The following GRK2 variants were observed in gnomAD, a reference collection of about 807,000 sequenced individuals.
GRK2 encodes the protein adrenergic beta receptor kinase 1.
In GRK2, 23 loss-of-function variants were observed where a neutral mutation model predicts 97.8. The observed-to-expected ratio is 0.24, with a 90% CI of 0.17 to 0.33. The LOEUF (loss-of-function observed/expected upper bound fraction) is 0.33, where lower values mean the gene tolerates loss of function less well. Among genes scored for constraint, GRK2 ranks in the 10% least tolerant of loss-of-function variants. The pLI is 1.00. For missense variants in GRK2, 633 were observed against 956.9 expected (o/e 0.66, Z 4.47); for synonymous variants, 425 against 381.7 (o/e 1.11, Z -1.32).
chr11:67,279,169 T>TG, intron 2 of GRK2, 31 bp from the exon 3 acceptor site: 1 of 1,593,650 alleles, frequency 6.3e-7, no homozygotes, highest in Non-Finnish European at 8.6e-7. Context: ...GAGAGAGGCG[T>TG]GGCTCTGTGA....
rs1860181254 is a variant in GRK2 at position 67,282,708 on chromosome 11, C to T, written c.1161-44C>T. ...ATCCATGCTGCCTGCCTCCCTTTCCCCATTCCTGTCCTTTGACATTGGTTT... is the reference window on the plus strand; with the variant it reads ...ATCCATGCTGCCTGCCTCCCTTTCCTCATTCCTGTCCTTTGACATTGGTTT... On this transcript the variant is annotated intron_variant, in intron 13 of 20. Transcript: ENST00000308595. This position sits in a 1 kb window ranked among gnomAD's most constrained non-coding sequence, Gnocchi z 6.9. 2 of 1,605,570 alleles carry T rather than the reference C, an allele frequency of 1.2e-6. No individual in the cohort carries two copies. Among genetic ancestry groups the T allele is most frequent in the East Asian group, 2.2e-5 (1 of 44,532 alleles).
Position 67,279,208 on chromosome 11 carries a change from C to G in GRK2, c.199C>G (p.Leu67Val). The G allele has an allele frequency of 6.2e-7, 1 of 1,613,204 alleles. No homozygotes were observed. The highest frequency in any genetic ancestry group is 8.5e-7 in the Non-Finnish European group (1 of 1,179,862). Residue 67 changes from leucine to valine, a missense_variant, in exon 3 of 21, where the codon CTC becomes GTC. By Grantham distance (32) the Leu-to-Val change is conservative (BLOSUM62 1). This residue lies in a region of GRK2 where 193 missense variants were observed against 212.2 expected (regional missense o/e 0.91). Coordinates refer to ENST00000308595, the MANE Select transcript of GRK2 (RefSeq NM_001619.5). The part of the protein sequence containing the change: ...KIFSQKLGYL[L>V]FRDFCLNHLE... ...TACACTGTTGCCTTCAGGGTACCTG[C>G]TCTTCCGAGACTTCTGCCTGAACCA...
At chr11:67,277,766 C>T (rs1419795841) in intron 2 of GRK2, among the ~76,000 whole-genome samples, 1 of 152,146 alleles carries the variant, frequency 6.6e-6, no homozygotes, top group Non-Finnish European at 1.5e-5. Flanking sequence ...AAGCAACCTG[C>T]CTGGTGTTGG....
Position 67,281,490 on chromosome 11 carries a change from A to G in GRK2, c.679A>G (p.Ile227Val). 6.2e-7 allele frequency: 1 copy of G among 1,613,714 alleles called. No homozygotes were observed. Among genetic ancestry groups the G allele is most frequent in the Non-Finnish European group, 8.5e-7 (1 of 1,179,974 alleles). Residue 227 changes from isoleucine (I) to valine (V), a missense_variant, in exon 9 of 21, where the codon ATC becomes GTC. By Grantham distance (29) the Ile-to-Val change is conservative (BLOSUM62 3). Transcript: ENST00000308595. The surrounding 1 kb of genome is among the most constrained non-coding windows in gnomAD (Gnocchi z 5.7). Reference sequence around the variant, plus strand: ...CATGAAGTGCCTGGACAAAAAGCGCATCAAGATGAAGCAGGGGGAGACCCT... The same window carrying G: ...CATGAAGTGCCTGGACAAAAAGCGCGTCAAGATGAAGCAGGGGGAGACCCT... ...YAMKCLDKKR[I>V]KMKQGETLAL...
At chr11:67,266,842 C>G (rs1326521618) in intron 1 of GRK2, 30 bp downstream of exon 1, 78 of 1,140,304 alleles carry the variant, frequency 6.8e-5, no homozygotes, top group Non-Finnish European at 8.5e-5. Context: ...GGCCCCGGCC[C>G]GACCCCGCGG....
rs766786545 is a variant in GRK2 at position 67,283,907 on chromosome 11, C to T, written c.1449C>T (p.Phe483=). The T allele has an allele frequency of 3.3e-5, 54 of 1,612,748 alleles. No homozygotes were observed. The highest frequency in any genetic ancestry group is 3.3e-4 in the Middle Eastern group (2 of 6,082). The part of the protein sequence containing the change: ...PRGEVNAADA[F]DIGSFDEEDT... ...GGGAGGTGAACGCGGCCGACGCCTT[C>T]GACATTGGCTCCTTCGATGAGGAGG... The change falls in exon 17 of 21, where the codon TTC becomes TTT. Residue 483 remains phenylalanine, a synonymous_variant. Transcript: ENST00000308595.
At position 67,281,023 on chromosome 11, in the gene GRK2, GC is replaced by G; in HGVS notation, c.556-67del. 7.1e-7 allele frequency: 1 copy of G among 1,400,880 alleles called. No homozygotes were observed. The highest frequency in any genetic ancestry group is 9.9e-7 in the Non-Finnish European group (1 of 1,013,570). The allele number at this position is 1,400,880 out of a possible 1,614,324, so 86.8% of individuals were successfully genotyped here. A position where few individuals can be genotyped will look rare whatever the true frequency, so the allele number is the denominator to read the frequency against. ...CCCTGGCATGGGGCCAGCCCCTGCT[GC>G]CCAGGTGCCTCTGCCCCAGGGCTGG... On this transcript the variant is annotated intron_variant, in intron 7 of 20. Transcript: ENST00000308595. The surrounding 1 kb of genome is among the most constrained non-coding windows in gnomAD (Gnocchi z 5.7).
chr11:67,274,495 CTTTTTTTTTTTT>C (rs57767154), intron 1 of GRK2, among the ~76,000 whole-genome samples: 683 of 22,502 alleles, frequency 0.03, 18 homozygotes, highest in African/African-American at 0.076. Flanking sequence ...TGACCAGCAC[CTTTTTTTTTTTT>C]TTTTTTTTTT....
intron 2 of GRK2, 54 bp from the exon 3 acceptor site, chr11:67,279,146 T>G: frequency 6.8e-7 from 1 of 1,461,990 alleles, no homozygotes; most frequent in Non-Finnish European, 9.6e-7. Flanking sequence ...TCCACAATGA[T>G]GGGAAGGCCT....
At chr11:67,274,990 G>C (rs1859998982) in intron 1 of GRK2, among the ~76,000 whole-genome samples, 1 of 152,200 alleles carries the variant, frequency 6.6e-6, no homozygotes. Flanking sequence ...GCAGTCATAG[G>C]ATGCGAACTC....
In GRK2 at chr11:67,285,628, C is replaced by A; in HGVS notation, c.*178C>A. 1.3e-6 allele frequency: 1 copy of A among 742,686 alleles called. No homozygotes were observed. Among genetic ancestry groups the A allele is most frequent in the East Asian group, 3.0e-5 (1 of 33,886 alleles). The allele number at this position is 742,686 out of a possible 1,614,324, so 46.0% of individuals were successfully genotyped here. On this transcript the variant is annotated 3_prime_UTR_variant, in exon 21 of 21. Coordinates refer to ENST00000308595, the MANE Select transcript of GRK2 (RefSeq NM_001619.5). ...TCGGCTCCTGCTGCACCAACCCAGC[C>A]GCTGCCCGGCGCCCTCTGTCCTGAC...
chr11:67,280,411 C>T lies in GRK2; in HGVS notation c.504-321C>T, dbSNP rs1012685188. On this transcript the variant is annotated intron_variant, in intron 6 of 20. Transcript: ENST00000308595. The stretch of plus-strand genomic sequence containing the variant: ...GTCACTGGGGGTATGCAAGCAGGGA[C>T]AGGAGACGTACTTGTCAAGGATATG... The T allele has an allele frequency of 4.3e-5, 20 of 465,046 alleles. No homozygotes were observed. In the Admixed American group the frequency reaches 5.8e-4, roughly 14 times the overall value. 28.8% of individuals were successfully genotyped at this position (465,046 alleles called of 1,614,324 possible). A position where few individuals can be genotyped will look rare whatever the true frequency, so the allele number is the denominator to read the frequency against.
chr11:67,271,649 G>T (rs536711990), intron 1 of GRK2, among the ~76,000 whole-genome samples: 1 of 152,226 alleles, frequency 6.6e-6, no homozygotes, highest in Non-Finnish European at 1.5e-5. Flanking sequence ...GAGCATCCCC[G>T]CAAGGGAGCT....
chr11:67,283,298 C>A, intron 15 of GRK2, 70 bp downstream of exon 15: 2 of 1,363,790 alleles, frequency 1.5e-6, no homozygotes, highest in Non-Finnish European at 2.1e-6. Flanking sequence ...TGTCCCGTCA[C>A]CTGGAACCCC....
chr11:67,274,268 C>A (rs1260954648), intron 1 of GRK2, among the ~76,000 whole-genome samples: 1 of 151,934 alleles, frequency 6.6e-6, no homozygotes, highest in Non-Finnish European at 1.5e-5. Flanking sequence ...GCCTCGGCCT[C>A]CCAAAGTGCT....
Position 67,279,895 on chromosome 11 carries a change from T to C in GRK2, c.498T>C (p.Ile166=), listed in dbSNP as rs1297204821. Residue 166 remains isoleucine (I), a synonymous_variant, in exon 6 of 21, where the codon ATT becomes ATC. Coordinates refer to ENST00000308595, the MANE Select transcript of GRK2 (RefSeq NM_001619.5). The part of the protein sequence containing the change: ...NLRGDVFQKF[I]ESDKFTRFCQ... ...GAGGGGACGTGTTCCAGAAATTCAT[T>C]GAGAGGTGAGAGCAGGGAAGTGTGG... 6.2e-7 allele frequency: 1 copy of C among 1,613,534 alleles called. No individual in the cohort carries two copies. Among genetic ancestry groups the C allele is most frequent in the African/African-American group, 1.3e-5 (1 of 74,850 alleles).
intron 2 of GRK2, among the ~76,000 whole-genome samples, chr11:67,277,563 G>A (rs1261113203): frequency 6.6e-6 from 1 of 152,246 alleles, no homozygotes; most frequent in Non-Finnish European, 1.5e-5. Context: ...GTGGGGGTGG[G>A]GGCCCAGAGT....
intron 1 of GRK2, among the ~76,000 whole-genome samples, chr11:67,268,919 G>T (rs957060885): frequency 6.6e-6 from 1 of 152,246 alleles, no homozygotes; most frequent in African/African-American, 2.4e-5. Context: ...AACAAGGTTG[G>T]ATAGGATTCT....
rs1245858346 is a variant in GRK2 at position 67,281,414 on chromosome 11, C to A, written c.648-45C>A. The A allele has an allele frequency of 6.4e-7, 1 of 1,562,366 alleles. No homozygotes were observed. The highest frequency in any genetic ancestry group is 8.8e-7 in the Non-Finnish European group (1 of 1,135,240). On this transcript the variant is annotated intron_variant, in intron 8 of 20. Coordinates refer to ENST00000308595, the MANE Select transcript of GRK2 (RefSeq NM_001619.5). This position sits in a 1 kb window ranked among gnomAD's most constrained non-coding sequence, Gnocchi z 5.7. ...AGCGCCCCCTGAGGCAGCCCTGGGC[C>A]CCTGCTCTGAGGGTGGGTGTTGACT... is the stretch of plus-strand genomic sequence containing the variant.
Sources: gnomAD v4.1 joint callset for allele counts (sites outside exome capture counted in the v4.1 genomes callset) on GRCh38, gnomAD v4.1.1 for gene constraint, gnomAD v4.1.1 regional missense constraint, Gnocchi (gnomAD v3.1) non-coding constraint, MANE v1.5 for transcripts, NCBI Gene and HGNC (gene_info 2026-07-23, HGNC 2026-07-21) for gene names.